Variants in SF3A2 observed in about 807,000 individuals in gnomAD.
SF3A2 encodes splicing factor 3a subunit 2.
In SF3A2, 5 loss-of-function variants were observed where a neutral mutation model predicts 31.1. The ratio of observed to expected loss-of-function variants is 0.16; its 90% CI spans 0.08 to 0.34. The LOEUF (loss-of-function observed/expected upper bound fraction) is 0.34, where lower values mean the gene tolerates loss of function less well. SF3A2 is among the 10% of genes least tolerant of loss of function. The pLI, the probability that SF3A2 is intolerant of heterozygous loss-of-function variation, is 1.00. For missense variants in SF3A2, 577 were observed against 643.9 expected (o/e 0.90, Z 1.13); for synonymous variants, 365 against 263.7 (o/e 1.38, Z -3.72).
At chr19:2,237,186 G>C (rs945365604) in intron 1 of SF3A2, 6 of 152,406 alleles carry the variant, frequency 3.9e-5, no homozygotes, top group Admixed American at 3.3e-4. Flanking sequence ...GGGAGGCCTT[G>C]GCGGGAGGAT....
intron 1 of SF3A2, among the ~76,000 whole-genome samples, chr19:2,238,116 C>T (rs940754907): frequency 2.6e-5 from 4 of 152,268 alleles, no homozygotes; most frequent in African/African-American, 9.6e-5. Flanking sequence ...CTCAAACTCC[C>T]ATGCTCAAGC....
chr19:2,245,179 T>G lies in SF3A2; in HGVS notation c.246-267T>G. On this transcript the variant is annotated intron_variant, in intron 4 of 8. Transcript: ENST00000221494. This position sits in a 1 kb window ranked among gnomAD's most constrained non-coding sequence, Gnocchi z 4.2. ...ATCCTGGGCGACAGAGTGAGACTCT[T>G]GTCTTATTAAAAAAAAAAAAAAAGA... 2 of 496,074 alleles carry G rather than the reference T, an allele frequency of 4.0e-6. No individual in the cohort carries two copies. Among genetic ancestry groups the G allele is most frequent in the Admixed American group, 3.6e-5 (1 of 27,632 alleles). The allele number at this position is 496,074 out of a possible 1,614,324, so 30.7% of individuals were successfully genotyped here. A position where few individuals can be genotyped will look rare whatever the true frequency, so the allele number is the denominator to read the frequency against.
At chr19:2,237,857 G>C (rs1024994349) in intron 1 of SF3A2, 4 of 152,166 alleles carry the variant, frequency 2.6e-5, no homozygotes, top group Admixed American at 1.3e-4. Flanking sequence ...TGTATCCTTG[G>C]ACGACACCAA....
chr19:2,247,944 C>T lies in SF3A2; in HGVS notation c.793C>T (p.Pro265Ser). The T allele has an allele frequency of 6.9e-7, 1 of 1,457,724 alleles. No homozygotes were observed. Among genetic ancestry groups the T allele is most frequent in the Non-Finnish European group, 9.4e-7 (1 of 1,060,276 alleles). 90.3% of individuals were successfully genotyped at this position (1,457,724 alleles called of 1,614,324 possible). ...PPGGLPLPPM[P>S]PTGPAPSGPP... ...AGGAGGCCTGCCTCTGCCACCCATG[C>T]CCCCCACAGGGCCTGCGCCCTCAGG... Residue 265 changes from proline to serine, a missense_variant, in exon 9 of 9, where the codon CCC (proline) becomes TCC (serine). Physicochemically the swap from Pro to Ser is moderately conservative, Grantham distance 74. This residue lies in a region of SF3A2 where 462 missense variants were observed against 339.1 expected (regional missense o/e 1.36). Transcript: ENST00000221494.
rs753539117 is a variant in SF3A2, at chr19:2,247,879, C to A, written c.728C>A (p.Pro243His). The change falls in exon 9 of 9, where the codon CCT becomes CAT. Residue 243 changes from proline (P) to histidine (H), a missense_variant. Physicochemically the swap from Pro to His is moderately conservative, Grantham distance 77. Around this residue, in one of 6 missense-constraint regions of SF3A2, gnomAD observed 462 missense variants for 339.1 expected, o/e 1.36. Coordinates refer to ENST00000221494, the MANE Select transcript of SF3A2 (RefSeq NM_007165.5). ...CCCCCGCTGATGAACGGTCTGCCCC[C>A]TCGGCCACCGCTGCCTGAGTCTTTG... is the stretch of plus-strand genomic sequence containing the variant. ...PPPPLMNGLPPRPPLPESLPP... is the reference protein window; with the variant it reads ...PPPPLMNGLPHRPPLPESLPP... The A allele has an allele frequency of 6.3e-5, 99 of 1,571,540 alleles. No homozygotes were observed. Among genetic ancestry groups the A allele is most frequent in the Non-Finnish European group, 8.2e-5 (94 of 1,152,714 alleles).
intron 1 of SF3A2, among the ~76,000 whole-genome samples, chr19:2,239,846 CTG>C (rs1400835193): frequency 2.0e-5 from 3 of 152,094 alleles, no homozygotes; most frequent in African/African-American, 7.2e-5. Context: ...ATCGTCCTGT[CTG>C]TATTTTTCAA....
chr19:2,245,585 A>G lies in SF3A2; in HGVS notation c.355+30A>G. 6.9e-7 allele frequency: 1 copy of G among 1,456,266 alleles called. No homozygotes were observed. The highest frequency in any genetic ancestry group is 9.4e-7 in the Non-Finnish European group (1 of 1,060,844). 90.2% of individuals were successfully genotyped at this position (1,456,266 alleles called of 1,614,324 possible). ...GTCTGCCCGCAGCGGGGCCGGCCACAGCCGCTGCCGTGACATAAGTGTGTT... is the reference window on the plus strand; with the variant it reads ...GTCTGCCCGCAGCGGGGCCGGCCACGGCCGCTGCCGTGACATAAGTGTGTT... On this transcript the variant is annotated intron_variant, in intron 5 of 8. Transcript: ENST00000221494. This position sits in a 1 kb window ranked among gnomAD's most constrained non-coding sequence, Gnocchi z 4.2.
chr19:2,244,649 G>A (rs777219847), intron 3 of SF3A2, 34 bp downstream of exon 3: 17 of 1,611,890 alleles, frequency 1.1e-5, no homozygotes, highest in Non-Finnish European at 1.4e-5. Flanking sequence ...GCGGCTCGCG[G>A]CGGGCTGAGT....
At position 2,247,751 on chromosome 19, in the gene SF3A2, T is replaced by C. The variant is rs1357305084; in HGVS notation, c.616-16T>C. Reference sequence around the variant, plus strand: ...AGCCCCACCCGTGCCTGCTGAACCTTTCTCCGTCTCTCTAGTTCTTCCTCC... The same window carrying C: ...AGCCCCACCCGTGCCTGCTGAACCTCTCTCCGTCTCTCTAGTTCTTCCTCC... On this transcript the variant is annotated splice_polypyrimidine_tract_variant and intron_variant, in intron 8 of 8. Transcript: ENST00000221494. 1 of 1,612,076 alleles carries C rather than the reference T, an allele frequency of 6.2e-7. No individual in the cohort carries two copies.
intron 1 of SF3A2, among the ~76,000 whole-genome samples, chr19:2,240,251 C>T (rs746075426): frequency 1.8e-4 from 28 of 152,346 alleles, no homozygotes; most frequent in African/African-American, 2.4e-4. Context: ...CCAGACTTCC[C>T]GCTGCCCAGG....
chr19:2,246,884 T>C lies in SF3A2; in HGVS notation c.408T>C (p.Ile136=). The C allele has an allele frequency of 3.1e-6, 5 of 1,611,502 alleles. No individual in the cohort carries two copies. The highest frequency in any genetic ancestry group is 4.2e-6 in the Non-Finnish European group (5 of 1,178,932). The stretch of plus-strand genomic sequence containing the variant: ...GCCACCCGGCCGTGTCCCTGCAGAT[T>C]GACTACCCTGAGATCGCCGAGGGCA... The part of the protein sequence containing the change: ...EMGQQSLLFQ[I]DYPEIAEGIM... The change falls in exon 7 of 9, where the codon ATT becomes ATC. Residue 136 remains isoleucine (I), a splice_region_variant and synonymous_variant. Transcript: ENST00000221494. This position sits in a 1 kb window ranked among gnomAD's most constrained non-coding sequence, Gnocchi z 5.5.
Position 2,246,241 on chromosome 19 carries a change from G to A in SF3A2, c.356-512G>A, listed in dbSNP as rs573326569. ...GGGCTTGGGCTCAGGACGGTGAGGC[G>A]GCAGAGGGCTTGTGAGTGTGCGTGT... On this transcript the variant is annotated intron_variant, in intron 5 of 8. Transcript: ENST00000221494. The surrounding 1 kb of genome is among the most constrained non-coding windows in gnomAD (Gnocchi z 5.5). Among the ~76,000 whole-genome samples the A allele has an allele frequency of 6.6e-6, 1 of 152,100 alleles. No individual in the cohort carries two copies. The highest frequency in any genetic ancestry group is 1.5e-5 in the Non-Finnish European group (1 of 67,952).
chr19:2,248,610 G>A lies in SF3A2; in HGVS notation c.*64G>A. ...CTCTTGCCTTTTCCCACTGAGAGAA[G>A]GCTGCTCTTTTGTACTGCCCCCCGC... On this transcript the variant is annotated 3_prime_UTR_variant, in exon 9 of 9. Coordinates refer to ENST00000221494, the MANE Select transcript of SF3A2 (RefSeq NM_007165.5). The A allele has an allele frequency of 2.2e-6, 1 of 447,278 alleles. No individual in the cohort carries two copies. The highest frequency in any genetic ancestry group is 3.9e-6 in the Non-Finnish European group (1 of 259,586). 27.7% of individuals were successfully genotyped at this position (447,278 alleles called of 1,614,324 possible). A position where few individuals can be genotyped will look rare whatever the true frequency, so the allele number is the denominator to read the frequency against.
chr19:2,248,150 T>C lies in SF3A2; in HGVS notation c.999T>C (p.Ala333=), dbSNP rs959707798. 55 of 1,257,280 alleles carry C rather than the reference T, an allele frequency of 4.4e-5. No homozygotes were observed. Among genetic ancestry groups the C allele is most frequent in the African/African-American group, 5.3e-5 (3 of 56,144 alleles). 77.9% of individuals were successfully genotyped at this position (1,257,280 alleles called of 1,614,324 possible). The part of the protein sequence containing the change: ...HPPTSGVHPP[A]PGVHPPAPGV... ...CAACCTCTGGGGTCCACCCCCCAGC[T>C]CCTGGAGTCCACCCTCCAGCCCCCG... Residue 333 remains alanine, a synonymous_variant, in exon 9 of 9, where the codon GCT becomes GCC. Coordinates refer to ENST00000221494, the MANE Select transcript of SF3A2 (RefSeq NM_007165.5).
Position 2,245,470 on chromosome 19 carries a change from C to G in SF3A2, c.270C>G (p.Ala90=), listed in dbSNP as rs1401333171. The G allele has an allele frequency of 1.3e-6, 2 of 1,550,844 alleles. No homozygotes were observed. The highest frequency in any genetic ancestry group is 1.4e-5 in the African/African-American group (1 of 73,152). ...TNLARRAAKE[A]KEAPAQPAPE... ...GGGCCCGGCGAGCAGCCAAGGAGGC[C>G]AAGGAGGCCCCTGCCCAGCCCGCGC... The change falls in exon 5 of 9, where the codon GCC becomes GCG. Residue 90 remains alanine (A), a synonymous_variant. Coordinates refer to ENST00000221494, the MANE Select transcript of SF3A2 (RefSeq NM_007165.5). This position sits in a 1 kb window ranked among gnomAD's most constrained non-coding sequence, Gnocchi z 4.2.
In SF3A2 at chr19:2,242,664, A is replaced by G. The variant is rs1053745493; in HGVS notation, c.-37-718A>G. ...GACCCTTAAACCAGGGCCCGGGGCCAACATTGAGCAGGCAAGGGAAAGACT... is the reference window on the plus strand; with the variant it reads ...GACCCTTAAACCAGGGCCCGGGGCCGACATTGAGCAGGCAAGGGAAAGACT... On this transcript the variant is annotated intron_variant, in intron 1 of 8. Transcript: ENST00000221494. Among the ~76,000 whole-genome samples, 5 of 152,222 alleles carry G rather than the reference A, an allele frequency of 3.3e-5. No homozygotes were observed. In the South Asian group the frequency reaches 8.3e-4, roughly 25 times the overall value.
chr19:2,241,617 C>G (rs2024889923), intron 1 of SF3A2, among the ~76,000 whole-genome samples: 1 of 152,194 alleles, frequency 6.6e-6, no homozygotes, highest in South Asian at 2.1e-4. Context: ...GTTGGCGTGG[C>G]CTGCAGCTGA....
intron 1 of SF3A2, among the ~76,000 whole-genome samples, chr19:2,239,062 G>A (rs1324623097): frequency 6.6e-6 from 1 of 152,146 alleles, no homozygotes; most frequent in Non-Finnish European, 1.5e-5. Flanking sequence ...TAAAAATCTA[G>A]ATTGAAAATC....
chr19:2,248,388 G>A lies in SF3A2; in HGVS notation c.1237G>A (p.Gly413Arg), dbSNP rs1599134991. The part of the protein sequence containing the change: ...QAPGVHPQPP[G>R]VHPSAPGVHP... ...CCCGGGGGTCCACCCCCAACCTCCC[G>A]GGGTCCATCCGTCGGCTCCTGGGGT... Residue 413 changes from glycine (G) to arginine (R), a missense_variant, in exon 9 of 9, where the codon GGG becomes AGG. Physicochemically the swap from Gly to Arg is moderately radical, Grantham distance 125. This residue lies in a region of SF3A2 where 462 missense variants were observed against 339.1 expected (regional missense o/e 1.36). Coordinates refer to ENST00000221494, the MANE Select transcript of SF3A2 (RefSeq NM_007165.5). 8.1e-6 allele frequency: 11 copies of A among 1,362,386 alleles called. No individual in the cohort carries two copies. Among genetic ancestry groups the A allele is most frequent in the South Asian group, 5.4e-5 (3 of 56,024 alleles). The allele number at this position is 1,362,386 out of a possible 1,614,324, so 84.4% of individuals were successfully genotyped here.
Sources: gnomAD v4.1 joint callset for allele counts (sites outside exome capture counted in the v4.1 genomes callset) on GRCh38, gnomAD v4.1.1 for gene constraint, gnomAD v4.1.1 regional missense constraint, Gnocchi (gnomAD v3.1) non-coding constraint, MANE v1.5 for transcripts, NCBI Gene and HGNC (gene_info 2026-07-23, HGNC 2026-07-21) for gene names.